Variants in RGS12 observed in about 807,000 individuals in gnomAD.
RGS12 encodes regulator of G-protein signaling 12.
In RGS12, 66 loss-of-function variants were observed where a neutral mutation model predicts 120.1. That is an observed-to-expected ratio of 0.55 (90% CI 0.45 to 0.67). The LOEUF (loss-of-function observed/expected upper bound fraction) is 0.67. Among genes scored for constraint, RGS12 ranks in the 30% least tolerant of loss-of-function variants. The pLI is 0.00. For synonymous variants in RGS12, 827 were observed against 804.7 expected (o/e 1.03, Z -0.47); for missense variants, 1,859 against 1,957.7 (o/e 0.95, Z 0.95).
intron 2 of RGS12, among the ~76,000 whole-genome samples, chr4:3,320,626 G>T (rs1003511254): frequency 1.2e-4 from 18 of 152,326 alleles, no homozygotes; most frequent in African/African-American, 4.1e-4. Flanking sequence ...TAAACAGGTA[G>T]TAACGTGTTG....
At chr4:3,302,249 A>G (rs994426) in intron 1 of RGS12, among the ~76,000 whole-genome samples, 7,765 of 152,174 alleles carry the variant, frequency 0.051, 232 homozygotes, top group South Asian at 0.095. Context: ...TGTCCTGTTC[A>G]CTTTTCCTGA....
At chr4:3,404,958 A>G (rs1370352767) in intron 4 of RGS12, among the ~76,000 whole-genome samples, 1 of 152,252 alleles carries the variant, frequency 6.6e-6, no homozygotes, top group African/African-American at 2.4e-5. Context: ...TGATGAGGAC[A>G]CATGAGCAGG....
chr4:3,292,460 C>G (rs2110338760), upstream of RGS12, among the ~76,000 whole-genome samples: 1 of 152,320 alleles, frequency 6.6e-6, no homozygotes, highest in East Asian at 1.9e-4. Context: ...GGAACTCACG[C>G]CGCCCCCGAA....
At chr4:3,377,824 A>C (rs911664921) in intron 3 of RGS12, among the ~76,000 whole-genome samples, 1 of 152,254 alleles carries the variant, frequency 6.6e-6, no homozygotes, top group Non-Finnish European at 1.5e-5. Flanking sequence ...GTGTGGACTT[A>C]AGTTACATTT....
chr4:3,330,317 G>A (rs1158559166), intron 2 of RGS12, among the ~76,000 whole-genome samples: 1 of 152,208 alleles, frequency 6.6e-6, no homozygotes, highest in African/African-American at 2.4e-5. Context: ...TCTCCTGCTA[G>A]CAAATATCCT....
intron 4 of RGS12, among the ~76,000 whole-genome samples, chr4:3,411,719 G>A (rs571800615): frequency 6.6e-6 from 1 of 152,380 alleles, no homozygotes; most frequent in African/African-American, 2.4e-5. Context: ...TTGAGTGTGT[G>A]TGAGAGTTTC....
chr4:3,339,415 G>A lies in RGS12; in HGVS notation c.1882-3522G>A, dbSNP rs887898017. Among the ~76,000 whole-genome samples the A allele has an allele frequency of 2.6e-5, 4 of 152,266 alleles. No individual in the cohort carries two copies. In the East Asian group the frequency reaches 7.7e-4, roughly 29 times the overall value. On this transcript the variant is annotated intron_variant, in intron 2 of 17. Transcript: ENST00000336727. ...GAGGATCACTTGAGCCTGGGAGGTC[G>A]CGGCTGCTGTGAGCCATGATCATAC...
intron 3 of RGS12, chr4:3,385,275 C>G (rs573185272): frequency 6.6e-6 from 1 of 152,466 alleles, no homozygotes; most frequent in East Asian, 1.9e-4. Flanking sequence ...GGGTCCTTGC[C>G]AGGCCGTCTG....
intron 1 of RGS12, among the ~76,000 whole-genome samples, chr4:3,301,389 T>TAAC (rs1723678601): frequency 6.6e-6 from 1 of 150,640 alleles, no homozygotes; most frequent in African/African-American, 2.5e-5. Context: ...CACAAAACAG[T>TAAC]GGTGGAACCC....
At position 3,430,959 on chromosome 4, in the gene RGS12, C is replaced by A; in HGVS notation, c.4114+4C>A. 5 of 1,612,010 alleles carry A rather than the reference C, an allele frequency of 3.1e-6. No individual in the cohort carries two copies. Among genetic ancestry groups the A allele is most frequent in the Non-Finnish European group, 4.2e-6 (5 of 1,179,942 alleles). On this transcript the variant is annotated splice_donor_region_variant and intron_variant, in intron 17 of 17. Transcript: ENST00000336727. The stretch of plus-strand genomic sequence containing the variant: ...GTGCCAGGACCTTCCAGACCAGGTA[C>A]CTCCAGGTTCTGATCCCTCCACCTT...
chr4:3,392,894 A>G (rs552173184), intron 4 of RGS12, among the ~76,000 whole-genome samples: 5 of 152,340 alleles, frequency 3.3e-5, no homozygotes, highest in Admixed American at 2.0e-4. Flanking sequence ...AGGCTGAGGC[A>G]GGAGAATCTC....
chr4:3,387,894 A>G (rs564162048), intron 4 of RGS12, among the ~76,000 whole-genome samples: 2 of 152,366 alleles, frequency 1.3e-5, no homozygotes, highest in African/African-American at 2.4e-5. Flanking sequence ...TCTGTCAGCA[A>G]TAGATGCAGG....
intron 3 of RGS12, among the ~76,000 whole-genome samples, chr4:3,348,409 C>T (rs1714029567): frequency 6.6e-6 from 1 of 152,154 alleles, no homozygotes; most frequent in South Asian, 2.1e-4. Flanking sequence ...TAAAGAAAAA[C>T]CTCCTGTGGT....
At chr4:3,398,914 A>T (rs1045420394) in intron 4 of RGS12, among the ~76,000 whole-genome samples, 2 of 152,200 alleles carry the variant, frequency 1.3e-5, no homozygotes, top group African/African-American at 2.4e-5. Flanking sequence ...CTACAAATTT[A>T]AAAAAATTAT....
Position 3,428,616 on chromosome 4 carries a change from A to T in RGS12, c.3470A>T (p.Lys1157Ile). 6.2e-7 allele frequency: 1 copy of T among 1,605,270 alleles called. No individual in the cohort carries two copies. Among genetic ancestry groups the T allele is most frequent in the Non-Finnish European group, 8.5e-7 (1 of 1,177,312 alleles). The change falls in exon 16 of 18, where the codon AAA becomes ATA. Residue 1157 changes from lysine (K) to isoleucine (I), a missense_variant. Lys to Ile is a moderately radical substitution (Grantham distance 102). This residue lies in a region of RGS12 where 517 missense variants were observed against 488.5 expected (regional missense o/e 1.06). Coordinates refer to ENST00000336727, the MANE Select transcript of RGS12 (RefSeq NM_001394154.1). ...ATTAAAATAAAAGGAGAAAATGGAA[A>T]AAATGCTAGGGATCCCCGGCTTTCA... ...NSIKIKGENG[K>I]NARDPRLSKR...
At chr4:3,397,084 T>G (rs1259868607) in intron 4 of RGS12, among the ~76,000 whole-genome samples, 1 of 152,200 alleles carries the variant, frequency 6.6e-6, no homozygotes, top group Non-Finnish European at 1.5e-5. Flanking sequence ...TATAAGTATC[T>G]AACACCAGCA....
chr4:3,315,678 G>A (rs914837229), intron 1 of RGS12, among the ~76,000 whole-genome samples: 4 of 152,220 alleles, frequency 2.6e-5, no homozygotes, highest in African/African-American at 7.2e-5. Flanking sequence ...CCTGTGAAAC[G>A]TGGGTTTGGG....
chr4:3,320,583 C>T (rs1215241237), intron 2 of RGS12, among the ~76,000 whole-genome samples: 3 of 152,286 alleles, frequency 2.0e-5, no homozygotes, highest in Non-Finnish European at 2.9e-5. Context: ...TTGGAGTGGC[C>T]TTCATAATGT....
chr4:3,428,031 T>C, intron 14 of RGS12, 59 bp from the exon 15 acceptor site: 1 of 1,500,830 alleles, frequency 6.7e-7, no homozygotes, highest in Non-Finnish European at 9.3e-7. Context: ...GCAGGTTGTC[T>C]ATGAAACATT....
Sources: gnomAD v4.1 joint callset for allele counts (sites outside exome capture counted in the v4.1 genomes callset) on GRCh38, gnomAD v4.1.1 for gene constraint, gnomAD v4.1.1 regional missense constraint, MANE v1.5 for transcripts, NCBI Gene and HGNC (gene_info 2026-07-23, HGNC 2026-07-21) for gene names.